The following AFG1L variants were observed in gnomAD, a reference collection of about 807,000 sequenced individuals.
The protein encoded by AFG1L is AFG1 like ATPase.
A neutral mutation model predicts 62.2 loss-of-function variants in AFG1L; 53 were observed. That is an observed-to-expected ratio of 0.85 (90% CI 0.68 to 1.07). The LOEUF (loss-of-function observed/expected upper bound fraction) is 1.07. Among genes scored for constraint, AFG1L ranks in the 50% least tolerant of loss-of-function variants. The probability of loss-of-function intolerance (pLI) is 0.00; values close to 1 mark genes in which losing one functional copy is unlikely to be tolerated. For synonymous variants in AFG1L, 228 were observed against 210.3 expected (o/e 1.08, Z -0.73); for missense variants, 555 against 590.5 (o/e 0.94, Z 0.62).
intron 7 of AFG1L, among the ~76,000 whole-genome samples, chr6:108,406,867 G>A (rs1781879677): frequency 6.6e-6 from 1 of 152,180 alleles, no homozygotes; most frequent in African/African-American, 2.4e-5. Context: ...TCTGTCAAGA[G>A]AAGGGGAGGC....
At chr6:108,345,111 A>C (rs1322120821) in intron 2 of AFG1L, among the ~76,000 whole-genome samples, 1 of 152,210 alleles carries the variant, frequency 6.6e-6, no homozygotes, top group Non-Finnish European at 1.5e-5. Context: ...CTTGATGAAT[A>C]GATTGGATGG....
At chr6:108,362,700 G>A (rs938423899) in intron 5 of AFG1L, among the ~76,000 whole-genome samples, 1 of 152,128 alleles carries the variant, frequency 6.6e-6, no homozygotes, top group Non-Finnish European at 1.5e-5. Flanking sequence ...TCACACAACT[G>A]GTAACTAACA....
intron 8 of AFG1L, among the ~76,000 whole-genome samples, chr6:108,455,092 TTA>T (rs1468184384): frequency 6.6e-6 from 1 of 152,228 alleles, no homozygotes; most frequent in African/African-American, 2.4e-5. Context: ...TGTTTACAGA[TTA>T]TGTTTTACTT....
At chr6:108,428,041 C>T (rs1388014185) in intron 7 of AFG1L, among the ~76,000 whole-genome samples, 4 of 152,044 alleles carry the variant, frequency 2.6e-5, no homozygotes, top group African/African-American at 9.7e-5. Flanking sequence ...TTTTAGTGTA[C>T]CCATCATCTG....
chr6:108,489,297 ACT>A (rs1455214933), intron 10 of AFG1L, among the ~76,000 whole-genome samples: 1 of 152,156 alleles, frequency 6.6e-6, no homozygotes, highest in African/African-American at 2.4e-5. Flanking sequence ...TTTCCTGTAA[ACT>A]CTGCCCAAAT....
rs568989724 is a variant in AFG1L at position 108,511,784 on chromosome 6, A to AT, written c.1203+1435dup. ...AATCTGCTGGGAGGGAGAGGTGACA[A>AT]TTTAATGTTTCATTTGCTCATTCAT... is the stretch of plus-strand genomic sequence containing the variant. On this transcript the variant is annotated intron_variant, in intron 11 of 12. Transcript: ENST00000368977. Among the ~76,000 whole-genome samples the AT allele has an allele frequency of 2.4e-4, 36 of 152,284 alleles. 1 individual carries two copies. In the South Asian group the frequency reaches 7.5e-3, roughly 32 times the overall value.
At chr6:108,501,030 G>A (rs1405966406) in intron 10 of AFG1L, among the ~76,000 whole-genome samples, 2 of 151,356 alleles carry the variant, frequency 1.3e-5, no homozygotes, top group African/African-American at 4.9e-5. Flanking sequence ...GTCTTGCTCT[G>A]TCGCCCAGGC....
intron 10 of AFG1L, among the ~76,000 whole-genome samples, chr6:108,493,394 A>G (rs949778644): frequency 2.0e-5 from 3 of 152,174 alleles, no homozygotes; most frequent in Non-Finnish European, 2.9e-5. Flanking sequence ...CTTGTTCTTC[A>G]CAGACTCCCT....
intron 11 of AFG1L, among the ~76,000 whole-genome samples, chr6:108,515,858 G>T (rs913946526): frequency 6.6e-6 from 1 of 152,176 alleles, no homozygotes; most frequent in Admixed American, 6.5e-5. Context: ...TACCATCAGA[G>T]AATACTATAA....
At chr6:108,409,327 C>G (rs6935656) in intron 7 of AFG1L, among the ~76,000 whole-genome samples, 4,617 of 152,076 alleles carry the variant, frequency 0.03, 250 homozygotes, top group African/African-American at 0.11. Context: ...ATCAGCAGAC[C>G]TGACTAGGAG....
chr6:108,380,257 C>T lies in AFG1L; in HGVS notation c.748+13925C>T, dbSNP rs553574340. Among the ~76,000 whole-genome samples, 42 of 152,286 alleles carry T rather than the reference C, an allele frequency of 2.8e-4. No individual in the cohort carries two copies. In the South Asian group the frequency reaches 8.5e-3, roughly 31 times the overall value. ...CCTAGGTGTGAAGCAGAGAGAGCCT[C>T]GCAGCACCGCAATCTGTGTCCAGGA... On this transcript the variant is annotated intron_variant, in intron 6 of 12. Coordinates refer to ENST00000368977, the MANE Select transcript of AFG1L (RefSeq NM_145315.5).
chr6:108,507,177 A>C (rs1723921920), intron 10 of AFG1L, among the ~76,000 whole-genome samples: 1 of 152,160 alleles, frequency 6.6e-6, no homozygotes, highest in African/African-American at 2.4e-5. Context: ...ACTTTTTTTT[A>C]ATTGTAGTAA....
chr6:108,315,642 A>T (rs1777561323), intron 1 of AFG1L, among the ~76,000 whole-genome samples: 1 of 151,884 alleles, frequency 6.6e-6, no homozygotes, highest in Admixed American at 6.6e-5. Context: ...GTGCAGTGTT[A>T]TAATCATAGC....
intron 7 of AFG1L, among the ~76,000 whole-genome samples, chr6:108,429,060 T>A (rs1440441653): frequency 1.3e-5 from 2 of 152,216 alleles, no homozygotes; most frequent in African/African-American, 4.8e-5. Flanking sequence ...GGTTTAAGTT[T>A]TCAAACCATC....
At chr6:108,514,274 A>C (rs1774788366) in intron 11 of AFG1L, among the ~76,000 whole-genome samples, 1 of 152,212 alleles carries the variant, frequency 6.6e-6, no homozygotes, top group Admixed American at 6.5e-5. Flanking sequence ...CCACAAAGGG[A>C]AGCCCATCAG....
chr6:108,355,243 T>C (rs1287373010), intron 3 of AFG1L, among the ~76,000 whole-genome samples: 1 of 152,092 alleles, frequency 6.6e-6, no homozygotes, highest in African/African-American at 2.4e-5. Context: ...GCCCAGCCTC[T>C]TATTTTTCAT....
intron 2 of AFG1L, among the ~76,000 whole-genome samples, chr6:108,335,512 C>T (rs1407741888): frequency 6.6e-6 from 1 of 152,232 alleles, no homozygotes; most frequent in Non-Finnish European, 1.5e-5. Context: ...TCCTTAACAT[C>T]AGTTTTTAGC....
intron 3 of AFG1L, among the ~76,000 whole-genome samples, chr6:108,353,814 A>G (rs1361389057): frequency 6.6e-6 from 1 of 152,194 alleles, no homozygotes; most frequent in East Asian, 1.9e-4. Flanking sequence ...TGTACTGAAT[A>G]TTTTTGCAAT....
intron 2 of AFG1L, among the ~76,000 whole-genome samples, chr6:108,326,489 G>A (rs897495523): frequency 6.6e-6 from 1 of 152,178 alleles, no homozygotes; most frequent in Non-Finnish European, 1.5e-5. Context: ...GAAGCCAATA[G>A]TCTCATCTTT....
Sources: allele counts gnomAD v4.1 joint callset (sites outside exome capture counted in the v4.1 genomes callset), GRCh38; gene constraint gnomAD v4.1.1; transcripts MANE v1.5; gene names NCBI Gene and HGNC (gene_info 2026-07-23, HGNC 2026-07-21).